The following RGL3 variants were observed in gnomAD, a reference collection of about 807,000 sequenced individuals.
RGL3 encodes ral guanine nucleotide dissociation stimulator like 3.
RGL3 carries 85 observed loss-of-function variants against 90.6 expected under a neutral mutation model. That is an observed-to-expected ratio of 0.94 (90% CI 0.79 to 1.12). The LOEUF (loss-of-function observed/expected upper bound fraction) is 1.12. RGL3 is among the 50% of genes most tolerant of loss of function. RGL3 has a pLI of 0.00. For missense variants in RGL3, 1,034 were observed against 939.2 expected (o/e 1.10, Z -1.32); for synonymous variants, 408 against 385.5 (o/e 1.06, Z -0.68).
chr19:11,409,509 A>C (rs1485353041), intron 5 of RGL3, among the ~76,000 whole-genome samples: 2 of 152,066 alleles, frequency 1.3e-5, no homozygotes, highest in African/African-American at 4.8e-5. Flanking sequence ...AAACAAACAA[A>C]CAAACAAAAA....
At chr19:11,396,857 G>A (rs563807973) in intron 18 of RGL3, among the ~76,000 whole-genome samples, 5 of 151,134 alleles carry the variant, frequency 3.3e-5, no homozygotes, top group East Asian at 2.0e-4. Flanking sequence ...TCGTAGAGAC[G>A]GGGTTTCACC....
In RGL3 at chr19:11,394,426, G is replaced by A; in HGVS notation, c.2109C>T (p.Asn703=). Residue 703 remains asparagine (N), a synonymous_variant, in exon 19 of 19, where the codon AAC becomes AAT. Transcript: ENST00000380456. ...CTCAGCTTGGGGAGACAGACAGAGT[G>A]TTCCGGGTCCCCTCTTTCCGCCGCA... ...FMLRRKEGTR[N]TLSVSPS The A allele has an allele frequency of 6.2e-7, 1 of 1,613,870 alleles. No homozygotes were observed. The highest frequency in any genetic ancestry group is 8.5e-7 in the Non-Finnish European group (1 of 1,179,834).
At chr19:11,407,872 G>C (rs541503904) in intron 5 of RGL3, among the ~76,000 whole-genome samples, 12 of 152,162 alleles carry the variant, frequency 7.9e-5, no homozygotes, top group African/African-American at 2.9e-4. Flanking sequence ...TTTTTGTAGA[G>C]ACAGGGTTTC....
chr19:11,417,084 G>T, intron 2 of RGL3, 25 bp from the exon 3 acceptor site: 1 of 1,537,436 alleles, frequency 6.5e-7, no homozygotes, highest in Non-Finnish European at 8.8e-7. Context: ...AGGTGGCCAT[G>T]AGAGAGCAGG....
chr19:11,418,400 A>G (rs1969040611), intron 2 of RGL3: 1 of 496,266 alleles, frequency 2.0e-6, no homozygotes, highest in African/African-American at 2.1e-5. Context: ...GCCTTTCCCA[A>G]CTCTGCCGTC....
At chr19:11,405,451 C>A in intron 7 of RGL3, 25 bp from the exon 8 acceptor site, 1 of 1,299,186 alleles carries the variant, frequency 7.7e-7, no homozygotes, top group Non-Finnish European at 1.0e-6. Flanking sequence ...GGACGCAGGT[C>A]AGACCCAGGC....
chr19:11,403,640 C>CAAAAAAA (rs889376839), intron 9 of RGL3, among the ~76,000 whole-genome samples: 2 of 49,384 alleles, frequency 4.0e-5, no homozygotes, highest in African/African-American at 7.0e-5. Context: ...AACTCCATCT[C>CAAAAAAA]AAAAAAAAAA....
chr19:11,397,508 C>G lies in RGL3; in HGVS notation c.1836G>C (p.Ser612=), dbSNP rs376798441. The part of the protein sequence containing the change: ...PRIPLPAQQS[S]EARVIRVSID... ...TGCTGACGCGGATGACACGGGCCTC[C>G]GAGCTCTGCTGCGCCGGGAGGGGGA... The change falls in exon 17 of 19, where the codon TCG becomes TCC. Residue 612 remains serine (S), a synonymous_variant. Coordinates refer to ENST00000380456, the MANE Select transcript of RGL3 (RefSeq NM_001035223.4). 4 of 1,613,600 alleles carry G rather than the reference C, an allele frequency of 2.5e-6. No individual in the cohort carries two copies. The highest frequency in any genetic ancestry group is 3.4e-6 in the Non-Finnish European group (4 of 1,179,868).
chr19:11,405,514 TTTTTTTTTTTTTTTTTTTTTTTTTTG>T (rs1968762510), intron 7 of RGL3, 88 bp from the exon 8 acceptor site: 1 of 655,776 alleles, frequency 1.5e-6, no homozygotes, highest in Non-Finnish European at 2.0e-6. Flanking sequence ...TTTTTTTTTT[TTTTTTTTTTTTTTTTTTTTTTTTTTG>T]AGAGATAGGG....
At chr19:11,410,655 C>T (rs1968858811) in intron 5 of RGL3, among the ~76,000 whole-genome samples, 1 of 151,902 alleles carries the variant, frequency 6.6e-6, no homozygotes, top group Non-Finnish European at 1.5e-5. Context: ...GCACTCCAGC[C>T]TGGGTGACAG....
Position 11,417,122 on chromosome 19 carries a change from G to C in RGL3, c.148-63C>G, listed in dbSNP as rs1969016545. 3 of 1,165,470 alleles carry C rather than the reference G, an allele frequency of 2.6e-6. No individual in the cohort carries two copies. The East Asian group carries it at 7.3e-5, about 29-fold the overall frequency. The allele number at this position is 1,165,470 out of a possible 1,614,324, so 72.2% of individuals were successfully genotyped here. On this transcript the variant is annotated intron_variant, in intron 2 of 18. Coordinates refer to ENST00000380456, the MANE Select transcript of RGL3 (RefSeq NM_001035223.4). ...TGGTCCTCACAGCACCCCTTCTCTA[G>C]TCACATTCATCACTAGCACCACTCT...
intron 9 of RGL3, among the ~76,000 whole-genome samples, chr19:11,404,912 A>T (rs1445575129): frequency 6.6e-6 from 1 of 151,950 alleles, no homozygotes; most frequent in Non-Finnish European, 1.5e-5. Flanking sequence ...TTTCTTTGTG[A>T]CTTCTTGTGT....
At chr19:11,399,808 G>A in intron 16 of RGL3, 47 bp downstream of exon 16, 3 of 1,075,058 alleles carry the variant, frequency 2.8e-6, no homozygotes, top group Non-Finnish European at 2.7e-6. Flanking sequence ...CACACACAGA[G>A]CCTGGGTGCC....
At chr19:11,410,556 C>A (rs1968857495) in intron 5 of RGL3, among the ~76,000 whole-genome samples, 1 of 151,902 alleles carries the variant, frequency 6.6e-6, no homozygotes, top group Non-Finnish European at 1.5e-5. Flanking sequence ...CTGATGCACA[C>A]CTGCTGTCCC....
intron 1 of RGL3, 47 bp from the exon 2 acceptor site, chr19:11,418,831 GGGCCTCAGCCTCCT>G: frequency 6.8e-7 from 1 of 1,462,874 alleles, no homozygotes; most frequent in Admixed American, 2.2e-5. Flanking sequence ...ACAGGTCCTG[GGGCCTCAGCCTCCT>G]TGGCCGCTCG....
rs764152693 is a variant in RGL3 at position 11,400,321 on chromosome 19, G to A, written c.1485-24C>T. 3 of 1,542,340 alleles carry A rather than the reference G, an allele frequency of 1.9e-6. No individual in the cohort carries two copies. The South Asian group carries it at 3.7e-5, about 19-fold the overall frequency. On this transcript the variant is annotated intron_variant, in intron 13 of 18. Coordinates refer to ENST00000380456, the MANE Select transcript of RGL3 (RefSeq NM_001035223.4). ...AGCTGAGGGGTCAATATGTGGATGAGGTGGTGGGGGCAGGAAATACAGGGG... is the reference window on the plus strand; with the variant it reads ...AGCTGAGGGGTCAATATGTGGATGAAGTGGTGGGGGCAGGAAATACAGGGG...
Position 11,402,826 on chromosome 19 carries a change from G to C in RGL3, c.1186-120C>G, listed in dbSNP as rs753712819. 374 of 864,904 alleles carry C rather than the reference G, an allele frequency of 4.3e-4. 2 individuals are homozygous for C. Among genetic ancestry groups the C allele is most frequent in the Middle Eastern group, 3.7e-3 (13 of 3,502 alleles). The allele number at this position is 864,904 out of a possible 1,614,324, so 53.6% of individuals were successfully genotyped here. A position where few individuals can be genotyped will look rare whatever the true frequency, so the allele number is the denominator to read the frequency against. The stretch of plus-strand genomic sequence containing the variant: ...TTTGAGTAATCAAAAGTCAGTGGTA[G>C]GCCAGGTGCGATGGCTCACGCCTGT... On this transcript the variant is annotated intron_variant, in intron 9 of 18. Transcript: ENST00000380456.
At chr19:11,414,593 G>A (rs543252625) in intron 5 of RGL3, among the ~76,000 whole-genome samples, 1 of 143,198 alleles carries the variant, frequency 7.0e-6, no homozygotes, top group Non-Finnish European at 1.5e-5. Context: ...CTGCTACTTT[G>A]TAAATTGGAC....
intron 5 of RGL3, among the ~76,000 whole-genome samples, chr19:11,415,493 T>C (rs1968977068): frequency 6.6e-6 from 1 of 152,138 alleles, no homozygotes; most frequent in African/African-American, 2.4e-5. Context: ...TTTTTTTTTT[T>C]AGACGGAGTT....
Sources: allele counts gnomAD v4.1 joint callset (sites outside exome capture counted in the v4.1 genomes callset), GRCh38; gene constraint gnomAD v4.1.1; transcripts MANE v1.5; gene names NCBI Gene and HGNC (gene_info 2026-07-23, HGNC 2026-07-21).